Variants in LINGO2 observed in about 807,000 individuals in gnomAD.
The protein encoded by LINGO2 is leucine-rich repeat and immunoglobulin-like domain-containing nogo receptor-interacting protein 2.
In LINGO2, 14 loss-of-function variants were observed where a neutral mutation model predicts 30.6. That is an observed-to-expected ratio of 0.46 (90% confidence interval 0.30 to 0.72). The LOEUF is 0.72. LINGO2 is among the 30% of genes least tolerant of loss of function. The pLI is 0.07. For missense variants in LINGO2, 729 were observed against 751.7 expected (o/e 0.97, Z 0.35); for synonymous variants, 317 against 288.5 (o/e 1.10, Z -1.00).
the LINGO2 span, among the ~76,000 whole-genome samples, chr9:29,008,136 C>T: frequency 7.2e-5 from 11 of 152,174 alleles, no homozygotes; most frequent in East Asian, 2.1e-3. Context: ...TCCAAGTGTT[C>T]TCATTGTTCA....
intron 5 of LINGO2, among the ~76,000 whole-genome samples, chr9:27,981,552 A>AAAAAAAAG (rs1820868789): frequency 9.7e-6 from 1 of 103,296 alleles, no homozygotes; most frequent in African/African-American, 3.4e-5. Context: ...AAAAAAAAAG[A>AAAAAAAAG]AAAAAAAGAA....
rs1297214056 is a variant in LINGO2, at chr9:27,967,096, T to C, written c.-35-16390A>G. On this transcript the variant is annotated intron_variant, in intron 5 of 5. Coordinates refer to ENST00000379992, the Ensembl canonical transcript of LINGO2. ...GCACCTAGACATTTTAGCCTCTTTC[T>C]CACTTAAAGCTGTTCAGACAAGATA... 2.0e-5 allele frequency among the ~76,000 whole-genome samples: 3 copies of C among 152,310 alleles called. No individual in the cohort carries two copies. The East Asian group carries it at 5.8e-4, about 29-fold the overall frequency.
At chr9:28,795,576 A>T in the LINGO2 span, among the ~76,000 whole-genome samples, 1 of 151,438 alleles carries the variant, frequency 6.6e-6, no homozygotes, top group Non-Finnish European at 1.5e-5. Context: ...TATATCTTAT[A>T]TATCTTTCAT....
chr9:29,086,159 T>C, the LINGO2 span, among the ~76,000 whole-genome samples: 2 of 152,172 alleles, frequency 1.3e-5, no homozygotes, highest in East Asian at 3.9e-4. Flanking sequence ...ATTTAGGACA[T>C]GTAAGACTCT....
intron 2 of LINGO2, among the ~76,000 whole-genome samples, chr9:28,436,852 C>G (rs1018836331): frequency 3.3e-5 from 5 of 152,140 alleles, no homozygotes; most frequent in African/African-American, 1.2e-4. Context: ...TCCTTACCAC[C>G]GCAAGGCCTG....
chr9:28,013,426 G>T (rs573685967), intron 4 of LINGO2, among the ~76,000 whole-genome samples: 3 of 152,292 alleles, frequency 2.0e-5, no homozygotes, highest in African/African-American at 7.2e-5. Context: ...AAATCTCGTT[G>T]ATGTTAAACT....
At chr9:28,078,368 T>C (rs1563961442) in intron 4 of LINGO2, among the ~76,000 whole-genome samples, 1 of 149,018 alleles carries the variant, frequency 6.7e-6, no homozygotes, top group Non-Finnish European at 1.5e-5. Context: ...ATTAAAGGAC[T>C]GATTAGGACA....
chr9:28,984,190 C>T, the LINGO2 span, among the ~76,000 whole-genome samples: 1 of 152,110 alleles, frequency 6.6e-6, no homozygotes, highest in East Asian at 1.9e-4. Flanking sequence ...AAAATCCGTT[C>T]TCTAGCCCCT....
intron 4 of LINGO2, among the ~76,000 whole-genome samples, chr9:28,204,059 G>C (rs573647299): frequency 2.6e-5 from 4 of 152,114 alleles, no homozygotes; most frequent in Admixed American, 2.0e-4. Flanking sequence ...ATGCCACAAA[G>C]GGCTAGTGTT....
intron 3 of LINGO2, among the ~76,000 whole-genome samples, chr9:28,333,296 T>C (rs1055950220): frequency 1.3e-5 from 2 of 152,216 alleles, no homozygotes; most frequent in African/African-American, 4.8e-5. Flanking sequence ...ACAGTTGCTG[T>C]AAAGCTTCTT....
chr9:28,682,794 A>T, the LINGO2 span, among the ~76,000 whole-genome samples: 1 of 152,128 alleles, frequency 6.6e-6, no homozygotes, highest in Non-Finnish European at 1.5e-5. Flanking sequence ...AATAAAAGGA[A>T]TTTATGCAGA....
At chr9:28,264,724 A>T (rs1331383427) in intron 4 of LINGO2, among the ~76,000 whole-genome samples, 2 of 151,962 alleles carry the variant, frequency 1.3e-5, no homozygotes, top group Non-Finnish European at 2.9e-5. Context: ...ACAGCTCTTC[A>T]TCTATAAAAT....
At chr9:28,162,474 G>A (rs1009062521) in intron 4 of LINGO2, among the ~76,000 whole-genome samples, 3 of 152,098 alleles carry the variant, frequency 2.0e-5, no homozygotes, top group South Asian at 2.1e-4. Context: ...AGGAGGCAGA[G>A]ATGTGATGTA....
At chr9:28,157,835 C>T (rs542677941) in intron 4 of LINGO2, among the ~76,000 whole-genome samples, 1 of 152,276 alleles carries the variant, frequency 6.6e-6, no homozygotes, top group South Asian at 2.1e-4. Flanking sequence ...TGCTTCAGTT[C>T]CCAATAAGTT....
At chr9:29,166,780 T>C in the LINGO2 span, among the ~76,000 whole-genome samples, 54 of 152,128 alleles carry the variant, frequency 3.5e-4, no homozygotes, top group Non-Finnish European at 6.8e-4. Context: ...ACATGAGCCA[T>C]TTCTAAATTT....
At chr9:28,331,667 G>C (rs1316679536) in intron 3 of LINGO2, among the ~76,000 whole-genome samples, 2 of 152,020 alleles carry the variant, frequency 1.3e-5, no homozygotes, top group Non-Finnish European at 2.9e-5. Context: ...CACCATGCCT[G>C]GCAAATTTTT....
chr9:28,502,468 C>T (rs542161864), intron 1 of LINGO2, among the ~76,000 whole-genome samples: 5 of 152,184 alleles, frequency 3.3e-5, no homozygotes, highest in South Asian at 4.1e-4. Flanking sequence ...AAGGTTCACT[C>T]GTACATTTCT....
At chr9:28,579,614 A>C (rs1156590826) in intron 1 of LINGO2, among the ~76,000 whole-genome samples, 2 of 152,116 alleles carry the variant, frequency 1.3e-5, no homozygotes, top group African/African-American at 4.8e-5. Flanking sequence ...CCACTGGCTT[A>C]ATATATTTTA....
chr9:28,378,620 T>A (rs9298894), intron 2 of LINGO2, among the ~76,000 whole-genome samples: 1 of 151,976 alleles, frequency 6.6e-6, no homozygotes, highest in African/African-American at 2.4e-5. Flanking sequence ...ACGGAACTGT[T>A]GAGTTAGGCT....
Sources: gnomAD v4.1 joint callset for allele counts (sites outside exome capture counted in the v4.1 genomes callset) on GRCh38, gnomAD v4.1.1 for gene constraint, MANE v1.5 for transcripts, NCBI Gene and HGNC (gene_info 2026-07-23, HGNC 2026-07-21) for gene names.